HTR2C: variants seen among roughly 807,000 people sequenced by gnomAD.
HTR2C encodes the protein 5-hydroxytryptamine (serotonin) receptor 2C, G protein-coupled.
Under a neutral mutation model 21.0 loss-of-function variants are expected in HTR2C, and 5 were observed. The ratio of observed to expected loss-of-function variants is 0.24; its 90% CI spans 0.12 to 0.50. The LOEUF is 0.50. Among genes scored for constraint, HTR2C ranks in the 20% least tolerant of loss-of-function variants. The probability of loss-of-function intolerance (pLI) is 0.98; values close to 1 mark genes in which losing one functional copy is unlikely to be tolerated. For missense variants in HTR2C, 271 were observed against 371.2 expected (o/e 0.73, Z 2.22); for synonymous variants, 150 against 145.3 (o/e 1.03, Z -0.23).
At chrX:114,639,415 G>A (rs782779390) in intron 2 of HTR2C, 2 of 112,970 alleles carry the variant, frequency 1.8e-5, no homozygotes, top group East Asian at 2.8e-4. Flanking sequence ...TGGTGTGTTC[G>A]GGTGATATTT....
rs1226091665 is a variant in HTR2C at position 114,794,829 on chromosome X, A to G, written c.350-53174A>G. Among the ~76,000 whole-genome samples, 4 of 110,099 alleles carry G rather than the reference A, an allele frequency of 3.6e-5. No individual in the cohort carries two copies. The East Asian group carries it at 1.2e-3, about 32-fold the overall frequency. ...CTTTGCTATTGTGAATAGTGCCACA[A>G]TAAACAAACGTGTGCATGTGTCTTT... On this transcript the variant is annotated intron_variant, in intron 4 of 5. Transcript: ENST00000276198.
intron 4 of HTR2C, among the ~76,000 whole-genome samples, chrX:114,818,937 T>C (rs1195659311): frequency 8.9e-6 from 1 of 112,008 alleles, no homozygotes; most frequent in Non-Finnish European, 1.9e-5. Flanking sequence ...GCTTTGGCTT[T>C]CTTCTCTTAA....
intron 4 of HTR2C, among the ~76,000 whole-genome samples, chrX:114,843,568 A>G (rs2070851583): frequency 8.9e-6 from 1 of 111,780 alleles, no homozygotes; most frequent in African/African-American, 3.2e-5. Flanking sequence ...AAAATATTTA[A>G]AGAAATAATG....
In HTR2C at chrX:114,584,450, C is replaced by T. The variant is rs1395490705; in HGVS notation, c.-356C>T. ...ACCTAGCCGGGGGGCGCACGGTCAC[C>T]CAAAGGAGGTCGACTCGCCGGCGCT... On this transcript the variant is annotated 5_prime_UTR_variant, in exon 1 of 6. Transcript: ENST00000276198. 1 of 112,942 alleles carries T rather than the reference C, an allele frequency of 8.9e-6. No individual in the cohort carries two copies. The highest frequency in any genetic ancestry group is 9.3e-5 in the Admixed American group (1 of 10,788). 9.3% of individuals were successfully genotyped at this position (112,942 alleles called of 1,213,427 possible). A position where few individuals can be genotyped will look rare whatever the true frequency, so the allele number is the denominator to read the frequency against.
chrX:114,841,770 T>A (rs781856577), intron 4 of HTR2C, among the ~76,000 whole-genome samples: 1 of 111,463 alleles, frequency 9.0e-6, no homozygotes, highest in Admixed American at 9.5e-5. Context: ...ACTTGAAATG[T>A]TCTGCTAATT....
At chrX:114,749,934 G>A (rs1345914008) in intron 4 of HTR2C, among the ~76,000 whole-genome samples, 1 of 111,760 alleles carries the variant, frequency 8.9e-6, no homozygotes, top group Non-Finnish European at 1.9e-5. Flanking sequence ...ATAAATATGA[G>A]CTCATTCAAT....
intron 1 of HTR2C, among the ~76,000 whole-genome samples, chrX:114,597,400 GAT>G (rs1386306018): frequency 9.0e-6 from 1 of 111,243 alleles, no homozygotes; most frequent in Non-Finnish European, 1.9e-5. Flanking sequence ...TATTTGGGAA[GAT>G]AAACTGTATT....
intron 1 of HTR2C, among the ~76,000 whole-genome samples, chrX:114,598,372 A>T (rs1556393233): frequency 8.9e-6 from 1 of 111,771 alleles, no homozygotes; most frequent in East Asian, 2.8e-4. Context: ...AGCCTCCATG[A>T]GTCTGGAGTC....
intron 1 of HTR2C, among the ~76,000 whole-genome samples, chrX:114,594,344 C>T (rs782484241): frequency 1.3e-4 from 14 of 111,000 alleles, no homozygotes; most frequent in Admixed American, 3.9e-4. Context: ...ACATCTTGAA[C>T]GGTGAATCAT....
chrX:114,764,346 C>T (rs1005211215), intron 4 of HTR2C, among the ~76,000 whole-genome samples: 8 of 104,086 alleles, frequency 7.7e-5, no homozygotes, highest in African/African-American at 2.9e-4. Flanking sequence ...TGCGATGAGC[C>T]GAGATCGCAC....
intron 2 of HTR2C, among the ~76,000 whole-genome samples, chrX:114,615,097 A>C (rs1489428554): frequency 4.5e-5 from 5 of 111,869 alleles, no homozygotes; most frequent in African/African-American, 1.6e-4. Context: ...GAAGTCTATC[A>C]AAATTCGAAA....
chrX:114,667,074 T>C (rs1367319110), intron 2 of HTR2C, among the ~76,000 whole-genome samples: 1 of 111,157 alleles, frequency 9.0e-6, no homozygotes, highest in Non-Finnish European at 1.9e-5. Flanking sequence ...CTGGGCACTA[T>C]CAAAATGAGG....
intron 4 of HTR2C, among the ~76,000 whole-genome samples, chrX:114,833,551 C>G (rs1461089635): frequency 9.2e-6 from 1 of 108,315 alleles, no homozygotes; most frequent in Non-Finnish European, 1.9e-5. Context: ...GTGATATCCC[C>G]TTTATCATTT....
intron 4 of HTR2C, among the ~76,000 whole-genome samples, chrX:114,755,796 T>C (rs1412784547): frequency 9.0e-6 from 1 of 111,546 alleles, no homozygotes; most frequent in African/African-American, 3.3e-5. Flanking sequence ...TTGTACAGAA[T>C]ATAAAAGATG....
intron 1 of HTR2C, among the ~76,000 whole-genome samples, chrX:114,612,229 C>T (rs1928772175): frequency 1.8e-5 from 2 of 111,352 alleles, no homozygotes; most frequent in South Asian, 7.4e-4. Flanking sequence ...AAGATCTTGT[C>T]CTCAATATAA....
chrX:114,805,926 C>T (rs782351995), intron 4 of HTR2C, among the ~76,000 whole-genome samples: 6 of 8,494 alleles, frequency 7.1e-4, no homozygotes, highest in African/African-American at 9.8e-4. Context: ...TATATATATA[C>T]ACCATATATA....
chrX:114,631,757 GTTCT>G (rs1458744537), intron 2 of HTR2C, among the ~76,000 whole-genome samples: 1 of 111,197 alleles, frequency 9.0e-6, no homozygotes, highest in Non-Finnish European at 1.9e-5. Context: ...TCCCTTTCCA[GTTCT>G]TTCTTATAAG....
intron 2 of HTR2C, among the ~76,000 whole-genome samples, chrX:114,700,070 T>C (rs1438777499): frequency 1.8e-5 from 2 of 111,963 alleles, no homozygotes; most frequent in African/African-American, 6.5e-5. Context: ...GCAGGTGATT[T>C]TGTACTCATT....
At chrX:114,898,034 G>C (rs182614871) in intron 5 of HTR2C, among the ~76,000 whole-genome samples, 23 of 112,672 alleles carry the variant, frequency 2.0e-4, no homozygotes, top group Non-Finnish European at 1.9e-5. Context: ...CAGTGTAAAA[G>C]TGTTGCTTTT....
Sources: gnomAD v4.1 joint callset for allele counts (sites outside exome capture counted in the v4.1 genomes callset) on GRCh38, gnomAD v4.1.1 for gene constraint, MANE v1.5 for transcripts, NCBI Gene and HGNC (gene_info 2026-07-23, HGNC 2026-07-21) for gene names.